Variants in TRHDE observed in about 807,000 individuals in gnomAD.
The protein encoded by TRHDE is thyrotropin-releasing hormone-degrading ectoenzyme.
TRHDE carries 72 observed loss-of-function variants against 125.7 expected under a neutral mutation model. The ratio of observed to expected loss-of-function variants is 0.57; its 90% CI spans 0.47 to 0.70. TRHDE has a LOEUF of 0.70. Among genes scored for constraint, TRHDE ranks in the 30% least tolerant of loss-of-function variants. The probability of loss-of-function intolerance (pLI) is 0.00; values close to 1 mark genes in which losing one functional copy is unlikely to be tolerated. For synonymous variants in TRHDE, 509 were observed against 509.1 expected (o/e 1.00, Z 0.00); for missense variants, 1,110 against 1,327.1 (o/e 0.84, Z 2.54).
chr12:72,105,168 T>G (rs904976716), intron 1 of TRHDE, among the ~76,000 whole-genome samples: 3 of 152,158 alleles, frequency 2.0e-5, no homozygotes, highest in Non-Finnish European at 2.9e-5. Context: ...TCAAACAGTA[T>G]CAGCAGCAGT....
chr12:72,591,071 C>T (rs774883752), intron 12 of TRHDE, among the ~76,000 whole-genome samples: 3 of 152,166 alleles, frequency 2.0e-5, no homozygotes, highest in Admixed American at 6.5e-5. Context: ...GCATGTCTTA[C>T]GTGGTAATAG....
At chr12:72,293,361 C>G (rs1880162403) in intron 2 of TRHDE, among the ~76,000 whole-genome samples, 1 of 152,060 alleles carries the variant, frequency 6.6e-6, no homozygotes, top group Admixed American at 6.5e-5. Flanking sequence ...TAAGTCCCAT[C>G]TATCTCAAAA....
chr12:72,653,870 C>T lies in TRHDE; in HGVS notation c.2984+714C>T, dbSNP rs527954346. ...CCAGACAGTAAGCAGACTTACTGTTCTGTCTCTGAAAAGCTAGTGTATAAA... is the reference window on the plus strand; with the variant it reads ...CCAGACAGTAAGCAGACTTACTGTTTTGTCTCTGAAAAGCTAGTGTATAAA... On this transcript the variant is annotated intron_variant, in intron 17 of 18. Transcript: ENST00000261180. 4.6e-5 allele frequency among the ~76,000 whole-genome samples: 7 copies of T among 152,188 alleles called. No individual in the cohort carries two copies. The South Asian group carries it at 1.5e-3, about 32-fold the overall frequency.
At chr12:72,643,263 G>C (rs558614984) in intron 15 of TRHDE, among the ~76,000 whole-genome samples, 3 of 152,306 alleles carry the variant, frequency 2.0e-5, no homozygotes, top group Admixed American at 2.0e-4. Flanking sequence ...ATTTGTAGCT[G>C]AGACTGAGGA....
At chr12:72,289,555 G>C (rs1271548217) in intron 2 of TRHDE, among the ~76,000 whole-genome samples, 1 of 152,012 alleles carries the variant, frequency 6.6e-6, no homozygotes, top group Non-Finnish European at 1.5e-5. Context: ...TTTATTTCTG[G>C]CTTCTCTTGA....
chr12:72,341,337 A>G (rs993215226), intron 2 of TRHDE, among the ~76,000 whole-genome samples: 25 of 151,810 alleles, frequency 1.6e-4, no homozygotes, highest in African/African-American at 6.0e-4. Flanking sequence ...TCATTGTTCA[A>G]TTCCCACCTA....
At chr12:72,389,752 A>G (rs1304260695) in intron 3 of TRHDE, among the ~76,000 whole-genome samples, 2 of 152,168 alleles carry the variant, frequency 1.3e-5, no homozygotes, top group African/African-American at 2.4e-5. Context: ...GGTCTTCAGC[A>G]TGTGCATTTT....
chr12:72,457,867 A>G (rs1875937055), intron 3 of TRHDE, among the ~76,000 whole-genome samples: 1 of 152,196 alleles, frequency 6.6e-6, no homozygotes, highest in African/African-American at 2.4e-5. Flanking sequence ...AAATTTCAAG[A>G]GTTAGGAATG....
At chr12:72,447,005 A>G (rs1231805887) in intron 3 of TRHDE, among the ~76,000 whole-genome samples, 1 of 152,122 alleles carries the variant, frequency 6.6e-6, no homozygotes, top group African/African-American at 2.4e-5. Flanking sequence ...TCAGCTCTGC[A>G]CCAAGCGGAC....
chr12:72,245,377 C>T (rs930678125), intron 2 of TRHDE, among the ~76,000 whole-genome samples: 1 of 151,740 alleles, frequency 6.6e-6, no homozygotes, highest in Admixed American at 6.6e-5. Flanking sequence ...TCTACCTACC[C>T]ATCTCTCCAG....
At chr12:72,605,770 A>G (rs1836044) in intron 12 of TRHDE, among the ~76,000 whole-genome samples, 62,546 of 151,940 alleles carry the variant, frequency 0.41, 15,150 homozygotes, top group African/African-American at 0.67. Flanking sequence ...AAAATGCATG[A>G]CACACATAGA....
chr12:72,606,307 A>T lies in TRHDE; in HGVS notation c.2322-12584A>T, dbSNP rs546113325. Among the ~76,000 whole-genome samples, 54 of 152,330 alleles carry T rather than the reference A, an allele frequency of 3.5e-4. 1 individual carries two copies. The South Asian group carries it at 0.011, about 31-fold the overall frequency. Reference sequence around the variant, plus strand: ...CTTGGCAATTACACTACCATTTGGTACTTTGTCCCTAAGGGGAAAATGAAT... The same window carrying T: ...CTTGGCAATTACACTACCATTTGGTTCTTTGTCCCTAAGGGGAAAATGAAT... On this transcript the variant is annotated intron_variant, in intron 12 of 18. Transcript: ENST00000261180.
intron 6 of TRHDE, among the ~76,000 whole-genome samples, chr12:72,522,331 CTGTA>C (rs1868264983): frequency 6.6e-6 from 1 of 152,142 alleles, no homozygotes; most frequent in South Asian, 2.1e-4. Context: ...TTACATCTAT[CTGTA>C]TGTCCTTTTA....
At chr12:72,276,153 T>C (rs992700335) in intron 1 of TRHDE, among the ~76,000 whole-genome samples, 1 of 152,192 alleles carries the variant, frequency 6.6e-6, no homozygotes, top group African/African-American at 2.4e-5. Flanking sequence ...AACAGACCCA[T>C]ATCAGCATCT....
intron 2 of TRHDE, among the ~76,000 whole-genome samples, chr12:72,224,142 T>C (rs7307172): frequency 0.045 from 1,419 of 31,798 alleles, 20 homozygotes; most frequent in East Asian, 0.083. Context: ...ATCTATCTAT[T>C]TATCTATGTA....
intron 2 of TRHDE, among the ~76,000 whole-genome samples, chr12:72,238,540 CT>C (rs1878409930): frequency 6.6e-6 from 1 of 151,086 alleles, no homozygotes; most frequent in Non-Finnish European, 1.5e-5. Flanking sequence ...TATCCCTCCC[CT>C]AGCCCCCCAC....
chr12:72,418,268 T>C (rs1051287233), intron 3 of TRHDE, among the ~76,000 whole-genome samples: 1 of 152,064 alleles, frequency 6.6e-6, no homozygotes, highest in Non-Finnish European at 1.5e-5. Flanking sequence ...GTAAGGTAAA[T>C]ATTAATTAAG....
intron 10 of TRHDE, among the ~76,000 whole-genome samples, 158 bp from the exon 11 acceptor site, chr12:72,575,097 C>G (rs1277383360): frequency 6.6e-6 from 1 of 152,022 alleles, no homozygotes; most frequent in East Asian, 1.9e-4. Context: ...CTAGCAAATT[C>G]TAGATGCAAG....
At chr12:72,141,907 A>G (rs926183218) in intron 2 of TRHDE, among the ~76,000 whole-genome samples, 2 of 152,132 alleles carry the variant, frequency 1.3e-5, no homozygotes, top group Non-Finnish European at 2.9e-5. Context: ...CCTCTTTTAG[A>G]GTGATAAATT....
Sources: allele counts gnomAD v4.1 joint callset (sites outside exome capture counted in the v4.1 genomes callset), GRCh38; gene constraint gnomAD v4.1.1; transcripts MANE v1.5; gene names NCBI Gene and HGNC (gene_info 2026-07-23, HGNC 2026-07-21).